The following PTPRC variants were observed in gnomAD, a reference collection of about 807,000 sequenced individuals.
PTPRC encodes the protein protein tyrosine phosphatase receptor type C, also known as receptor-type tyrosine-protein phosphatase C.
In PTPRC, 44 loss-of-function variants were observed where a neutral mutation model predicts 155.9. The ratio of observed to expected loss-of-function variants is 0.28; its 90% CI spans 0.22 to 0.36. The LOEUF is 0.36. Among genes scored for constraint, PTPRC ranks in the 10% least tolerant of loss-of-function variants. The probability of loss-of-function intolerance (pLI) is 1.00; values close to 1 mark genes in which losing one functional copy is unlikely to be tolerated. For missense variants in PTPRC, 1,401 were observed against 1,564.6 expected, an observed-to-expected ratio of 0.90 and a Z score of 1.76; for synonymous variants, 525 against 533.1, an observed-to-expected ratio of 0.98 and a Z score of 0.21.
At chr1:198,728,584 C>T (rs1244316976) in intron 16 of PTPRC, 136 bp downstream of exon 16, 1 of 1,011,734 alleles carries the variant, frequency 9.9e-7, no homozygotes, top group East Asian at 2.8e-5. Flanking sequence ...CACTTCATGA[C>T]ACAACTTTTA....
chr1:198,709,265 G>A, intron 10 of PTPRC, among the ~76,000 whole-genome samples: 1 of 152,066 alleles, frequency 6.6e-6, no homozygotes, highest in Non-Finnish European at 1.5e-5. Context: ...TAAAGTGACT[G>A]GTCATAGTCA....
intron 14 of PTPRC, 124 bp downstream of exon 14, chr1:198,718,426 C>A (rs1278837354): frequency 3.5e-6 from 3 of 858,704 alleles, no homozygotes; most frequent in South Asian, 1.5e-5. Flanking sequence ...GTAATGGAAT[C>A]ACACTTAAAG....
chr1:198,731,686 A>G lies in PTPRC; in HGVS notation c.1934A>G (p.Lys645Arg), dbSNP rs1287241431. Residue 645 changes from lysine to arginine, a missense_variant, in exon 18 of 33, where the codon AAG becomes AGG. Coordinates refer to ENST00000442510, the MANE Select transcript of PTPRC (RefSeq NM_002838.5). Reference protein sequence around the residue: ...ADILLETYKRKIADEGRLFLA... With the variant: ...ADILLETYKRRIADEGRLFLA... ...ATTTTGTTGGAAACTTATAAGAGGA[A>G]GATTGCTGATGAAGGAAGACTTTTT... 9 of 1,611,358 alleles carry G rather than the reference A, an allele frequency of 5.6e-6. No individual in the cohort carries two copies. The highest frequency in any genetic ancestry group is 7.6e-6 in the Non-Finnish European group (9 of 1,177,930).
chr1:198,679,009 C>A (rs116780058), intron 2 of PTPRC: 72 of 204,746 alleles, frequency 3.5e-4, no homozygotes, highest in Non-Finnish European at 5.7e-4. Context: ...CCTAAACCAT[C>A]TGACTGCTCA....
At chr1:198,656,098 A>T (rs774061237) in intron 2 of PTPRC, among the ~76,000 whole-genome samples, 3 of 152,134 alleles carry the variant, frequency 2.0e-5, no homozygotes, top group African/African-American at 7.2e-5. Flanking sequence ...ATTAAGTATT[A>T]ACTATTAGAA....
At chr1:198,718,352 T>C in intron 14 of PTPRC, 50 bp downstream of exon 14, 1 of 1,416,190 alleles carries the variant, frequency 7.1e-7, no homozygotes, top group African/African-American at 1.4e-5. Flanking sequence ...ATTATAATGA[T>C]TGATTCATAG....
At chr1:198,670,065 C>A (rs1413319052) in intron 2 of PTPRC, among the ~76,000 whole-genome samples, 1 of 152,058 alleles carries the variant, frequency 6.6e-6, no homozygotes, top group Non-Finnish European at 1.5e-5. Context: ...TTACTAGCTT[C>A]TTTTTTGTAT....
intron 2 of PTPRC, among the ~76,000 whole-genome samples, chr1:198,667,751 T>C (rs753439843): frequency 2.0e-5 from 3 of 152,246 alleles, no homozygotes; most frequent in Non-Finnish European, 2.9e-5. Context: ...ATTCATAACA[T>C]GTCATGGAAA....
At chr1:198,677,991 CATAAAT>C (rs1665061494) in intron 2 of PTPRC, among the ~76,000 whole-genome samples, 1 of 151,820 alleles carries the variant, frequency 6.6e-6, no homozygotes, top group South Asian at 2.1e-4. Flanking sequence ...ATTGTATGAA[CATAAAT>C]ATAGATACAT....
chr1:198,639,418 A>G, intron 2 of PTPRC, 77 bp downstream of exon 2: 1 of 1,191,354 alleles, frequency 8.4e-7, no homozygotes, highest in Non-Finnish European at 1.2e-6. Flanking sequence ...CATAAAAATA[A>G]TTTAAATGTG....
At chr1:198,680,174 A>T (rs1214545617) in intron 2 of PTPRC, 3 of 381,584 alleles carry the variant, frequency 7.9e-6, no homozygotes, top group Non-Finnish European at 1.4e-5. Context: ...ATATTATTAA[A>T]GGCTTCACAA....
At chr1:198,702,269 G>A in intron 5 of PTPRC, 118 bp from the exon 6 acceptor site, 1 of 1,295,902 alleles carries the variant, frequency 7.7e-7, no homozygotes, top group South Asian at 1.2e-5. Context: ...TATAGCAGAA[G>A]TGCTTGAAGA....
chr1:198,729,011 T>G (rs1654268714), intron 16 of PTPRC, 126 bp from the exon 17 acceptor site: 2 of 1,053,652 alleles, frequency 1.9e-6, no homozygotes, highest in African/African-American at 3.3e-5. Flanking sequence ...CTCTCCTCTC[T>G]TCCCCTTTTC....
At chr1:198,674,880 A>G (rs764322188) in intron 2 of PTPRC, among the ~76,000 whole-genome samples, 1 of 152,180 alleles carries the variant, frequency 6.6e-6, no homozygotes, top group Non-Finnish European at 1.5e-5. Flanking sequence ...AACCATGGGT[A>G]CAATGCTATT....
intron 24 of PTPRC, 23 bp downstream of exon 24, chr1:198,742,049 A>G: frequency 6.2e-7 from 1 of 1,609,884 alleles, no homozygotes; most frequent in Non-Finnish European, 8.5e-7. Flanking sequence ...AACAAAAAAA[A>G]AAAACAACAA....
intron 2 of PTPRC, among the ~76,000 whole-genome samples, chr1:198,652,104 C>T (rs1042912647): frequency 2.6e-5 from 4 of 151,600 alleles, no homozygotes; most frequent in Admixed American, 6.6e-5. Context: ...GAAAAAAGGG[C>T]GCATCAGGTG....
At chr1:198,717,545 A>C (rs1653653691) in intron 13 of PTPRC, among the ~76,000 whole-genome samples, 1 of 152,232 alleles carries the variant, frequency 6.6e-6, no homozygotes, top group Admixed American at 6.5e-5. Flanking sequence ...GGGGCTGAAT[A>C]TAAGACACTT....
In PTPRC at chr1:198,757,267, T is replaced by A. The variant is rs1390003224; in HGVS notation, c.*1086T>A. ...AATCATAATAAAATTCAACCATTAT[T>A]TTTTTCTTGTTTATAATACATTGTG... On this transcript the variant is annotated 3_prime_UTR_variant, in exon 33 of 33. Transcript: ENST00000442510. 1 of 151,794 alleles carries A rather than the reference T, an allele frequency of 6.6e-6. No individual in the cohort carries two copies. Among genetic ancestry groups the A allele is most frequent in the South Asian group, 2.1e-4 (1 of 4,816 alleles). 9.4% of individuals were successfully genotyped at this position (151,794 alleles called of 1,614,324 possible).
At chr1:198,661,533 A>C (rs1663962910) in intron 2 of PTPRC, among the ~76,000 whole-genome samples, 1 of 151,896 alleles carries the variant, frequency 6.6e-6, no homozygotes, top group African/African-American at 2.4e-5. Flanking sequence ...TAGTTTCTGG[A>C]AACATTAATT....
Sources: allele counts gnomAD v4.1 joint callset (sites outside exome capture counted in the v4.1 genomes callset), GRCh38; gene constraint gnomAD v4.1.1; transcripts MANE v1.5; gene names NCBI Gene and HGNC (gene_info 2026-07-23, HGNC 2026-07-21).